Variants in NTN1 observed in about 807,000 individuals in gnomAD.
NTN1 encodes the protein netrin 1.
A neutral mutation model predicts 54.2 loss-of-function variants in NTN1; 11 were observed. That is an observed-to-expected ratio of 0.20 (90% CI 0.13 to 0.34). The LOEUF (loss-of-function observed/expected upper bound fraction) is 0.34, where lower values mean the gene tolerates loss of function less well. Ranked by LOEUF, NTN1 falls within the 10% of genes least tolerant of loss-of-function variation. The pLI is 1.00. For synonymous variants in NTN1, 371 were observed against 382.0 expected (o/e 0.97, Z 0.33); for missense variants, 740 against 893.1 (o/e 0.83, Z 2.18).
chr17:9,083,091 G>A (rs543012137), intron 2 of NTN1, among the ~76,000 whole-genome samples: 16 of 151,838 alleles, frequency 1.1e-4, no homozygotes, highest in Middle Eastern at 6.8e-3. Flanking sequence ...GGGATTGTCC[G>A]TGGGTTTTTT....
chr17:9,046,401 G>T (rs185582692), intron 2 of NTN1, among the ~76,000 whole-genome samples: 1 of 152,300 alleles, frequency 6.6e-6, no homozygotes, highest in African/African-American at 2.4e-5. Flanking sequence ...AACAAGTGTT[G>T]GTAAGGCCAT....
At chr17:9,037,113 A>G (rs181690837) in intron 2 of NTN1, among the ~76,000 whole-genome samples, 11 of 152,322 alleles carry the variant, frequency 7.2e-5, no homozygotes, top group Admixed American at 1.3e-4. Flanking sequence ...TATTTCCAGA[A>G]GGCTCCTCCC....
At chr17:9,033,954 G>A (rs1321272875) in intron 2 of NTN1, among the ~76,000 whole-genome samples, 1 of 150,284 alleles carries the variant, frequency 6.7e-6, no homozygotes, top group African/African-American at 2.4e-5. Flanking sequence ...AAGAAAGAAA[G>A]TACTTAGTTA....
At chr17:9,133,754 A>ATTTTTTTT (rs57053201) in intron 2 of NTN1, among the ~76,000 whole-genome samples, 8 of 104,534 alleles carry the variant, frequency 7.7e-5, no homozygotes, top group Middle Eastern at 5.1e-3. Flanking sequence ...TGCCCAGCTA[A>ATTTTTTTT]TTTTTTTTTT....
intron 5 of NTN1, among the ~76,000 whole-genome samples, chr17:9,196,604 G>C (rs895716603): frequency 6.6e-6 from 1 of 152,268 alleles, no homozygotes; most frequent in Non-Finnish European, 1.5e-5. Context: ...CCAGGGCAGG[G>C]CTTCAGGCTT....
intron 2 of NTN1, among the ~76,000 whole-genome samples, chr17:9,121,088 C>T (rs1014492068): frequency 3.3e-5 from 5 of 152,072 alleles, no homozygotes; most frequent in Non-Finnish European, 5.9e-5. Context: ...CTGTGTGGTG[C>T]GAGGAAAAAG....
intron 6 of NTN1, among the ~76,000 whole-genome samples, chr17:9,223,163 A>G (rs926313781): frequency 6.6e-6 from 1 of 152,232 alleles, no homozygotes; most frequent in Non-Finnish European, 1.5e-5. Flanking sequence ...TCCCACGGGA[A>G]AATAAACCTA....
At chr17:9,227,243 C>G (rs1196093744) in intron 6 of NTN1, among the ~76,000 whole-genome samples, 1 of 148,958 alleles carries the variant, frequency 6.7e-6, no homozygotes, top group Non-Finnish European at 1.5e-5. Context: ...TACACCATCA[C>G]ACACACACAC....
At chr17:9,004,962 A>T in the NTN1 span, among the ~76,000 whole-genome samples, 1 of 152,100 alleles carries the variant, frequency 6.6e-6, no homozygotes, top group Non-Finnish European at 1.5e-5. Flanking sequence ...TCAACTTCTG[A>T]GTGGAAGTCA....
At chr17:9,124,315 C>T (rs543012846) in intron 2 of NTN1, among the ~76,000 whole-genome samples, 1 of 152,322 alleles carries the variant, frequency 6.6e-6, no homozygotes, top group East Asian at 1.9e-4. Flanking sequence ...GGGGCTTCCT[C>T]GCTCTGTCCC....
At chr17:9,217,854 CAAAAAAA>C (rs11354107) in intron 5 of NTN1, among the ~76,000 whole-genome samples, 61 of 95,732 alleles carry the variant, frequency 6.4e-4, no homozygotes, top group Admixed American at 2.9e-3. Flanking sequence ...GGAAAGACAC[CAAAAAAA>C]AAAAAAAAAA....
intron 2 of NTN1, among the ~76,000 whole-genome samples, chr17:9,034,872 T>G (rs1228599239): frequency 6.6e-6 from 1 of 152,236 alleles, no homozygotes; most frequent in Admixed American, 6.5e-5. Context: ...ACCCAGAAGC[T>G]GACCTGTGCG....
At chr17:9,225,266 TAAATA>T (rs951011673) in intron 6 of NTN1, among the ~76,000 whole-genome samples, 3 of 150,592 alleles carry the variant, frequency 2.0e-5, no homozygotes, top group African/African-American at 7.3e-5. Context: ...AAAAAAAAAA[TAAATA>T]AAAAGTTGGG....
chr17:9,091,004 AGCTGAGGAGGGCACTGGCTGCCAG>A (rs1289501603), intron 2 of NTN1, among the ~76,000 whole-genome samples: 2 of 152,092 alleles, frequency 1.3e-5, no homozygotes, highest in Non-Finnish European at 2.9e-5. Context: ...AAAAACAGCC[AGCTGAGGAGGGCACTGGCTGCCAG>A]GCGGAGGACT....
rs774762892 is a variant in NTN1, at chr17:9,162,764, T to C, written c.1019-49T>C. 7.8e-6 allele frequency: 12 copies of C among 1,547,514 alleles called. No homozygotes were observed. The African/African-American group carries it at 1.6e-4, about 21-fold the overall frequency. On this transcript the variant is annotated intron_variant, in intron 2 of 6. Transcript: ENST00000173229. ...TTCTTTTGACGCTCTTGGGTGCCTG[T>C]CCTCCCCGCGCCCCTGCGGCTGACA... is the stretch of plus-strand genomic sequence containing the variant.
intron 5 of NTN1, among the ~76,000 whole-genome samples, chr17:9,215,316 CAG>C (rs1905196636): frequency 6.6e-6 from 1 of 151,290 alleles, no homozygotes; most frequent in African/African-American, 2.4e-5. Context: ...GAGAAGGAGA[CAG>C]AGCCACTGAT....
chr17:9,167,874 T>C (rs2092377388), intron 3 of NTN1, among the ~76,000 whole-genome samples: 1 of 152,342 alleles, frequency 6.6e-6, no homozygotes, highest in Non-Finnish European at 1.5e-5. Flanking sequence ...ATTATTTGTC[T>C]GTAACTTATG....
intron 2 of NTN1, among the ~76,000 whole-genome samples, chr17:9,062,791 G>C (rs1017901170): frequency 6.6e-6 from 1 of 152,132 alleles, no homozygotes; most frequent in African/African-American, 2.4e-5. Context: ...CGTGTGATGG[G>C]GTGCTCTGAC....
intron 5 of NTN1, among the ~76,000 whole-genome samples, chr17:9,215,746 T>A (rs1905205022): frequency 6.6e-6 from 1 of 152,224 alleles, no homozygotes; most frequent in East Asian, 1.9e-4. Context: ...CTGTATATAT[T>A]CTTTTCTTGT....
Sources: gnomAD v4.1 joint callset for allele counts (sites outside exome capture counted in the v4.1 genomes callset) on GRCh38, gnomAD v4.1.1 for gene constraint, MANE v1.5 for transcripts, NCBI Gene and HGNC (gene_info 2026-07-23, HGNC 2026-07-21) for gene names.